The following FSTL5 variants were observed in gnomAD, a reference collection of about 807,000 sequenced individuals.
FSTL5 encodes the protein follistatin like 5, also known as follistatin-related protein 5.
FSTL5 carries 62 observed loss-of-function variants against 89.1 expected under a neutral mutation model. That is an observed-to-expected ratio of 0.70 (90% CI 0.57 to 0.86). FSTL5 has a LOEUF of 0.86. Among genes scored for constraint, FSTL5 ranks in the 40% least tolerant of loss-of-function variants. The probability of loss-of-function intolerance (pLI) is 0.00; values close to 1 mark genes in which losing one functional copy is unlikely to be tolerated. For missense variants in FSTL5, 1,057 were observed against 1,001.6 expected, an observed-to-expected ratio of 1.06 and a Z score of -0.75; for synonymous variants, 383 against 346.2, an observed-to-expected ratio of 1.11 and a Z score of -1.18.
intron 3 of FSTL5, among the ~76,000 whole-genome samples, chr4:162,007,639 A>T (rs1736649449): frequency 6.6e-6 from 1 of 151,624 alleles, no homozygotes; most frequent in South Asian, 2.1e-4. Flanking sequence ...AAAAAAAAGC[A>T]TAGTAGAAAT....
intron 5 of FSTL5, among the ~76,000 whole-genome samples, chr4:161,764,213 G>A (rs915785174): frequency 2.0e-5 from 3 of 152,166 alleles, no homozygotes; most frequent in Non-Finnish European, 4.4e-5. Context: ...CACATTTTAT[G>A]TGTTTAGTTA....
At chr4:161,559,777 A>C (rs1215506255) in intron 8 of FSTL5, among the ~76,000 whole-genome samples, 1 of 151,986 alleles carries the variant, frequency 6.6e-6, no homozygotes, top group Non-Finnish European at 1.5e-5. Flanking sequence ...CGTTCTGAGA[A>C]ATGTATTGGT....
chr4:161,976,834 T>C (rs988536327), intron 3 of FSTL5, among the ~76,000 whole-genome samples: 2 of 152,108 alleles, frequency 1.3e-5, no homozygotes, highest in Non-Finnish European at 2.9e-5. Context: ...ACAGGACCTA[T>C]GGAAAAGAAA....
chr4:161,980,331 A>AAATT (rs1735964551), intron 3 of FSTL5, among the ~76,000 whole-genome samples: 1 of 152,082 alleles, frequency 6.6e-6, no homozygotes, highest in Non-Finnish European at 1.5e-5. Flanking sequence ...GGAACTGCAT[A>AAATT]AATTATCAAG....
intron 3 of FSTL5, among the ~76,000 whole-genome samples, chr4:161,981,519 A>G (rs1308975615): frequency 3.9e-5 from 6 of 152,108 alleles, no homozygotes; most frequent in Admixed American, 3.3e-4. Context: ...CACCACTTGT[A>G]CTTTTGAAAT....
rs1322024681 is a variant in FSTL5, at chr4:162,090,973, G to A, written c.126+20298C>T. On this transcript the variant is annotated intron_variant, in intron 2 of 15. Coordinates refer to ENST00000306100, the MANE Select transcript of FSTL5 (RefSeq NM_020116.5). Reference sequence around the variant, plus strand: ...TTACAGAGCCCTCCATCACCTTTCTGCTCCTCATGTTTTTAAACTGAGTCA... The same window carrying A: ...TTACAGAGCCCTCCATCACCTTTCTACTCCTCATGTTTTTAAACTGAGTCA... 2.6e-5 allele frequency among the ~76,000 whole-genome samples: 4 copies of A among 152,054 alleles called. No homozygotes were observed. The East Asian group carries it at 7.7e-4, about 29-fold the overall frequency.
chr4:161,959,513 A>C (rs1312533746), intron 3 of FSTL5, among the ~76,000 whole-genome samples: 1 of 152,134 alleles, frequency 6.6e-6, no homozygotes, highest in East Asian at 1.9e-4. Flanking sequence ...GAGCTCTTAC[A>C]TAACAGAAGT....
At chr4:161,896,671 C>T (rs1034068210) in intron 4 of FSTL5, among the ~76,000 whole-genome samples, 1 of 152,048 alleles carries the variant, frequency 6.6e-6, no homozygotes, top group Admixed American at 6.6e-5. Flanking sequence ...CTGTGAAGAA[C>T]TATTATATTT....
chr4:161,681,322 T>C (rs1560786609), intron 6 of FSTL5, among the ~76,000 whole-genome samples: 1 of 152,208 alleles, frequency 6.6e-6, no homozygotes, highest in Middle Eastern at 3.4e-3. Flanking sequence ...CTGAGAAATA[T>C]AAAATCTAAT....
chr4:161,598,813 C>G (rs1297218398), intron 7 of FSTL5, among the ~76,000 whole-genome samples: 1 of 151,760 alleles, frequency 6.6e-6, no homozygotes, highest in East Asian at 1.9e-4. Context: ...TTCTACCTCA[C>G]AGAATACACA....
chr4:161,589,619 C>T (rs1733736978), intron 7 of FSTL5, among the ~76,000 whole-genome samples: 2 of 151,998 alleles, frequency 1.3e-5, no homozygotes. Context: ...TACCTGCCCC[C>T]TAGAGTCTTT....
At chr4:161,726,231 T>C (rs144570993) in intron 6 of FSTL5, among the ~76,000 whole-genome samples, 12 of 122,424 alleles carry the variant, frequency 9.8e-5, no homozygotes, top group South Asian at 2.5e-4. Context: ...CTTTTTCTTT[T>C]TTTTTTTTTT....
At chr4:161,747,018 G>A (rs1157179145) in intron 6 of FSTL5, among the ~76,000 whole-genome samples, 1 of 152,122 alleles carries the variant, frequency 6.6e-6, no homozygotes, top group African/African-American at 2.4e-5. Flanking sequence ...ATTCATCCCT[G>A]TGGGTGGTCT....
At chr4:161,882,245 C>T (rs766848429) in intron 4 of FSTL5, among the ~76,000 whole-genome samples, 4 of 152,066 alleles carry the variant, frequency 2.6e-5, no homozygotes, top group Non-Finnish European at 5.9e-5. Context: ...TTCTCTAAGA[C>T]TTAAGCCAGC....
Position 161,695,785 on chromosome 4 carries a change from G to C in FSTL5, c.728-39291C>G, listed in dbSNP as rs569440454. Reference sequence around the variant, plus strand: ...CTTCTTTTGAGAACTGTCTCTTCACGTTCTTAGCCCACTTTTCGATGGGAT... The same window carrying C: ...CTTCTTTTGAGAACTGTCTCTTCACCTTCTTAGCCCACTTTTCGATGGGAT... On this transcript the variant is annotated intron_variant, in intron 6 of 15. Transcript: ENST00000306100. 5.0e-3 allele frequency among the ~76,000 whole-genome samples: 758 copies of C among 151,886 alleles called. 6 individuals carry two copies. The highest frequency in any genetic ancestry group is 0.017 in the African/African-American group (705 of 41,426).
rs5863513 is a variant in FSTL5 at position 162,041,202 on chromosome 4, TAAA to T, written c.127-7547_127-7545del. ...GAATTTATAGAGAAAGATGAGATGG[TAAA>T]AAAAAAAAAAAAAAAAAAAAGGAGT... On this transcript the variant is annotated intron_variant, in intron 2 of 15. Transcript: ENST00000306100. Among the ~76,000 whole-genome samples the T allele has an allele frequency of 2.2e-3, 217 of 97,760 alleles. 1 individual carries two copies. The highest frequency in any genetic ancestry group is 0.012 in the Middle Eastern group (2 of 162). 64.1% of individuals were successfully genotyped at this position (97,760 alleles called of 152,430 possible).
chr4:162,042,933 C>G (rs1008614400), intron 2 of FSTL5, among the ~76,000 whole-genome samples: 3 of 112,498 alleles, frequency 2.7e-5, no homozygotes, highest in Admixed American at 2.7e-4. Flanking sequence ...ATATTACACT[C>G]TGGTGACTGT....
chr4:161,398,290 C>A (rs1731070512), intron 15 of FSTL5, among the ~76,000 whole-genome samples: 1 of 152,012 alleles, frequency 6.6e-6, no homozygotes. Flanking sequence ...AACAATGAAC[C>A]TTCCACCAAA....
chr4:161,666,832 CAA>C (rs1736913752), intron 6 of FSTL5, among the ~76,000 whole-genome samples: 2 of 151,988 alleles, frequency 1.3e-5, no homozygotes, highest in African/African-American at 4.8e-5. Context: ...CTTATAATCA[CAA>C]ATACAAATAA....
Sources: allele counts gnomAD v4.1 joint callset (sites outside exome capture counted in the v4.1 genomes callset), GRCh38; gene constraint gnomAD v4.1.1; transcripts MANE v1.5; gene names NCBI Gene and HGNC (gene_info 2026-07-23, HGNC 2026-07-21).